Variants in CDH8 observed in about 807,000 individuals in gnomAD.
The protein encoded by CDH8 is cadherin 8, also known as cadherin-8.
Under a neutral mutation model 68.1 loss-of-function variants are expected in CDH8, and 17 were observed. That is an observed-to-expected ratio of 0.25 (90% CI 0.17 to 0.37). The LOEUF (loss-of-function observed/expected upper bound fraction) is 0.37, where lower values mean the gene tolerates loss of function less well. Among genes scored for constraint, CDH8 ranks in the 10% least tolerant of loss-of-function variants. CDH8 has a pLI of 1.00. For missense variants in CDH8, 763 were observed against 999.3 expected, an observed-to-expected ratio of 0.76 and a Z score of 3.19; for synonymous variants, 372 against 365.1, an observed-to-expected ratio of 1.02 and a Z score of -0.21.
chr16:61,870,663 T>C (rs943849648), intron 3 of CDH8, among the ~76,000 whole-genome samples: 1 of 152,132 alleles, frequency 6.6e-6, no homozygotes, highest in Non-Finnish European at 1.5e-5. Flanking sequence ...CTCAATCACT[T>C]TAGAAAGTTC....
intron 8 of CDH8, among the ~76,000 whole-genome samples, chr16:61,739,884 C>CATATATATATATATAT (rs35095367): frequency 0.025 from 2,567 of 100,672 alleles, 50 homozygotes; most frequent in East Asian, 0.029. Flanking sequence ...CAACATATTC[C>CATATATATATATATAT]ATATATATAT....
chr16:61,863,230 T>G (rs1469704794), intron 3 of CDH8, among the ~76,000 whole-genome samples: 10 of 152,160 alleles, frequency 6.6e-5, no homozygotes, highest in African/African-American at 2.4e-4. Context: ...AATGTGCTGC[T>G]CGGATTTTAA....
chr16:61,849,153 T>G (rs1214722189), intron 4 of CDH8, among the ~76,000 whole-genome samples: 1 of 152,102 alleles, frequency 6.6e-6, no homozygotes, highest in Non-Finnish European at 1.5e-5. Context: ...TCTTTCTCCA[T>G]ACTCTCTTTT....
chr16:62,031,587 G>T (rs1217559397), intron 1 of CDH8, among the ~76,000 whole-genome samples: 1 of 151,812 alleles, frequency 6.6e-6, no homozygotes, highest in Non-Finnish European at 1.5e-5. Context: ...AATATAAATG[G>T]TATTCATTTA....
intron 2 of CDH8, among the ~76,000 whole-genome samples, chr16:61,908,862 G>A (rs1019182486): frequency 6.6e-6 from 1 of 152,078 alleles, no homozygotes; most frequent in Non-Finnish European, 1.5e-5. Context: ...ATAAGCATAC[G>A]AATACCCCAA....
Position 61,893,190 on chromosome 16 carries a change from C to T in CDH8, c.547+7989G>A, listed in dbSNP as rs752941411. Among the ~76,000 whole-genome samples the T allele has an allele frequency of 9.9e-5, 15 of 152,128 alleles. 1 individual carries two copies. The highest frequency in any genetic ancestry group is 1.8e-4 in the Non-Finnish European group (12 of 68,020). On this transcript the variant is annotated intron_variant, in intron 3 of 11. Transcript: ENST00000577390. ...AAACTCCAATCTCTGCCTCTGTCCT[C>T]AAACAACCTTCTTCCCTGTGTGAGT... is the stretch of plus-strand genomic sequence containing the variant.
chr16:61,892,015 T>C (rs1316547355), intron 3 of CDH8, among the ~76,000 whole-genome samples: 1 of 152,180 alleles, frequency 6.6e-6, no homozygotes, highest in Non-Finnish European at 1.5e-5. Flanking sequence ...CATCCTTTGA[T>C]CTTTTAAACC....
In CDH8 at chr16:61,960,336, C is replaced by CACATATATACGTGTGTGTGTATACACAT. The variant is rs1567546552; in HGVS notation, c.253-58864_253-58863insATGTGTATACACACACACGTATATATGT. The stretch of plus-strand genomic sequence containing the variant: ...ACATATATACGTGTGTGTGTATACA[C>CACATATATACGTGTGTGTGTATACACAT]ACATATATACATGTGTGTGTGTATA... On this transcript the variant is annotated intron_variant, in intron 2 of 11. Transcript: ENST00000577390. Among the ~76,000 whole-genome samples the CACATATATACGTGTGTGTGTATACACAT allele has an allele frequency of 1.9e-3, 79 of 42,292 alleles. 20 individuals carry two copies. Among genetic ancestry groups the CACATATATACGTGTGTGTGTATACACAT allele is most frequent in the Admixed American group, 4.5e-3 (19 of 4,202 alleles). The allele number at this position is 42,292 out of a possible 152,430, so 27.7% of individuals were successfully genotyped here. A position where few individuals can be genotyped will look rare whatever the true frequency, so the allele number is the denominator to read the frequency against.
At chr16:61,723,388 G>C (rs558504545) in intron 9 of CDH8, among the ~76,000 whole-genome samples, 1 of 150,776 alleles carries the variant, frequency 6.6e-6, no homozygotes, top group African/African-American at 2.4e-5. Context: ...TCTTCAGAAA[G>C]AATCTGGTTT....
intron 1 of CDH8, among the ~76,000 whole-genome samples, chr16:62,024,611 G>A (rs1176339105): frequency 6.6e-6 from 1 of 152,122 alleles, no homozygotes; most frequent in East Asian, 1.9e-4. Flanking sequence ...AATAGACTCT[G>A]GACCAATGTT....
rs969967804 is a variant in CDH8, at chr16:61,672,663, T to C, written c.1655-16942A>G. Among the ~76,000 whole-genome samples the C allele has an allele frequency of 6.6e-5, 10 of 152,062 alleles. No individual in the cohort carries two copies. In the East Asian group the frequency reaches 1.9e-3, roughly 29 times the overall value. On this transcript the variant is annotated intron_variant, in intron 10 of 11. Transcript: ENST00000577390. Reference sequence around the variant, plus strand: ...GCAGAAAGCTACAATCTTTTAAGAATGTTTGGATTCCACACTTTCATACTT... The same window carrying C: ...GCAGAAAGCTACAATCTTTTAAGAACGTTTGGATTCCACACTTTCATACTT...
At chr16:61,990,305 C>CTTTTTT (rs71134381) in intron 2 of CDH8, among the ~76,000 whole-genome samples, 3 of 82,984 alleles carry the variant, frequency 3.6e-5, no homozygotes, top group Admixed American at 3.6e-4. Flanking sequence ...TGAAGAAGTC[C>CTTTTTT]TTTTTTTTTT....
Position 61,857,089 on chromosome 16 carries a change from C to A in CDH8, c.667+30G>T, listed in dbSNP as rs199796282. 48 of 1,611,924 alleles carry A rather than the reference C, an allele frequency of 3.0e-5. No individual in the cohort carries two copies. In the East Asian group the frequency reaches 8.9e-4, roughly 30 times the overall value. On this transcript the variant is annotated intron_variant, in intron 4 of 11. Coordinates refer to ENST00000577390, the MANE Select transcript of CDH8 (RefSeq NM_001796.5). The stretch of plus-strand genomic sequence containing the variant: ...GCATTTCCCTGAAGCAAAAACATGG[C>A]AAATATAATTCGAAATTTAGGCCAC...
intron 2 of CDH8, among the ~76,000 whole-genome samples, chr16:61,903,638 A>G (rs2143280304): frequency 6.6e-6 from 1 of 152,370 alleles, no homozygotes; most frequent in South Asian, 2.1e-4. Flanking sequence ...AGAACAAAAC[A>G]CAAAGCTAAG....
intron 2 of CDH8, among the ~76,000 whole-genome samples, chr16:61,923,864 A>T (rs1055545312): frequency 1.0e-4 from 15 of 147,610 alleles, no homozygotes; most frequent in African/African-American, 3.4e-4. Context: ...TAAATATATT[A>T]TATATTTACT....
intron 2 of CDH8, 22 bp from the exon 3 acceptor site, chr16:61,901,495 G>A (rs1415629045): frequency 7.0e-6 from 11 of 1,581,300 alleles, no homozygotes; most frequent in Non-Finnish European, 9.5e-6. Context: ...AATGGCATTA[G>A]TTAGTGATGG....
chr16:61,972,283 C>G (rs967785818), intron 2 of CDH8, among the ~76,000 whole-genome samples: 1 of 152,128 alleles, frequency 6.6e-6, no homozygotes, highest in Non-Finnish European at 1.5e-5. Context: ...AACCTCTCTC[C>G]TTTATAAATT....
chr16:61,741,052 T>G (rs576847805), intron 8 of CDH8, among the ~76,000 whole-genome samples: 4 of 152,308 alleles, frequency 2.6e-5, no homozygotes, highest in African/African-American at 9.6e-5. Flanking sequence ...CAATACTTGG[T>G]AAAATCAGTT....
At chr16:61,854,135 C>A (rs868180448) in intron 4 of CDH8, among the ~76,000 whole-genome samples, 1 of 124,624 alleles carries the variant, frequency 8.0e-6, no homozygotes, top group African/African-American at 3.3e-5. Flanking sequence ...CACATACACA[C>A]ACACACACAC....
Sources: gnomAD v4.1 joint callset for allele counts (sites outside exome capture counted in the v4.1 genomes callset) on GRCh38, gnomAD v4.1.1 for gene constraint, MANE v1.5 for transcripts, NCBI Gene and HGNC (gene_info 2026-07-23, HGNC 2026-07-21) for gene names.